FNBP1: variants seen among roughly 807,000 people sequenced by gnomAD.
FNBP1 encodes formin-binding protein 1.
A neutral mutation model predicts 90.6 loss-of-function variants in FNBP1; 26 were observed. The observed-to-expected ratio is 0.29, with a 90% CI of 0.21 to 0.40. The LOEUF (loss-of-function observed/expected upper bound fraction) is 0.40, where lower values mean the gene tolerates loss of function less well. Among genes scored for constraint, FNBP1 ranks in the 10% least tolerant of loss-of-function variants. The pLI, the probability that FNBP1 is intolerant of heterozygous loss-of-function variation, is 1.00. For missense variants in FNBP1, 635 were observed against 768.0 expected (o/e 0.83, Z 2.05); for synonymous variants, 260 against 265.2 (o/e 0.98, Z 0.19).
intron 6 of FNBP1, among the ~76,000 whole-genome samples, chr9:129,946,123 G>A (rs1233112688): frequency 1.3e-5 from 2 of 152,086 alleles, no homozygotes; most frequent in South Asian, 2.1e-4. Flanking sequence ...GAGCTGAGAC[G>A]GTGCCACTGC....
chr9:129,977,981 C>G (rs1338234991), intron 4 of FNBP1, among the ~76,000 whole-genome samples: 1 of 151,868 alleles, frequency 6.6e-6, no homozygotes, highest in Non-Finnish European at 1.5e-5. Flanking sequence ...ACGTAGAGAC[C>G]TAGAAACACT....
intron 1 of FNBP1, among the ~76,000 whole-genome samples, chr9:130,004,178 G>A (rs932512389): frequency 1.3e-5 from 2 of 151,420 alleles, no homozygotes; most frequent in African/African-American, 4.9e-5. Context: ...CAGGAGAATC[G>A]CTTGAACCTG....
At chr9:129,972,519 G>A (rs1301686079) in intron 4 of FNBP1, among the ~76,000 whole-genome samples, 3 of 149,932 alleles carry the variant, frequency 2.0e-5, no homozygotes, top group Non-Finnish European at 4.4e-5. Flanking sequence ...GCCTAAACAT[G>A]CTCCGTTTTC....
At chr9:130,003,272 CAT>C (rs1451010759) in intron 1 of FNBP1, among the ~76,000 whole-genome samples, 1 of 152,034 alleles carries the variant, frequency 6.6e-6, no homozygotes, top group Admixed American at 6.6e-5. Context: ...GCCTGGCCAA[CAT>C]AGTGAAACCC....
chr9:129,927,447 TG>T, intron 7 of FNBP1, 106 bp from the exon 8 acceptor site: 1 of 1,083,540 alleles, frequency 9.2e-7, no homozygotes, highest in African/African-American at 1.6e-5. Context: ...GAGGAAAAAA[TG>T]GGTTAGAGTT....
chr9:130,016,984 G>C (rs543555531), intron 1 of FNBP1, among the ~76,000 whole-genome samples: 17 of 152,262 alleles, frequency 1.1e-4, no homozygotes, highest in East Asian at 1.9e-4. Context: ...GGTGGCTCAT[G>C]TCTATAATGA....
chr9:129,949,264 T>C (rs976899241), intron 6 of FNBP1, among the ~76,000 whole-genome samples: 2 of 152,208 alleles, frequency 1.3e-5, no homozygotes, highest in African/African-American at 4.8e-5. Flanking sequence ...GCATGGTTCC[T>C]TGAGTTTTCC....
chr9:130,047,191 T>A (rs1564651126), upstream of FNBP1, among the ~76,000 whole-genome samples: 2 of 151,708 alleles, frequency 1.3e-5, no homozygotes, highest in African/African-American at 4.8e-5. Flanking sequence ...TAAAAAAAAA[T>A]AAAAATTAAA....
chr9:129,916,916 G>A (rs1397586014), intron 10 of FNBP1, among the ~76,000 whole-genome samples: 1 of 152,154 alleles, frequency 6.6e-6, no homozygotes, highest in Non-Finnish European at 1.5e-5. Context: ...CACCCGAGAA[G>A]TGTGTGCCAC....
At chr9:129,965,160 G>A (rs573883292) in intron 4 of FNBP1, among the ~76,000 whole-genome samples, 8 of 152,242 alleles carry the variant, frequency 5.3e-5, no homozygotes, top group African/African-American at 1.2e-4. Flanking sequence ...ACCATGTGGC[G>A]TAATGGCAAA....
At chr9:129,913,301 AG>A (rs1227934694) in intron 11 of FNBP1, among the ~76,000 whole-genome samples, 13 of 152,326 alleles carry the variant, frequency 8.5e-5, no homozygotes, top group African/African-American at 3.1e-4. Context: ...GTGTATAAAC[AG>A]GTGCAAAGAA....
At chr9:129,956,547 A>G (rs1197420134) in intron 6 of FNBP1, among the ~76,000 whole-genome samples, 1 of 152,246 alleles carries the variant, frequency 6.6e-6, no homozygotes, top group Non-Finnish European at 1.5e-5. Context: ...CTAGTTGGCA[A>G]TACAAGTCCA....
the FNBP1 span, among the ~76,000 whole-genome samples, chr9:130,049,087 C>G: frequency 3.3e-5 from 5 of 150,864 alleles, no homozygotes; most frequent in Non-Finnish European, 7.4e-5. Context: ...CCAGTTTCCT[C>G]TTCTTTAAAA....
At chr9:129,940,792 AAT>A (rs2044212739) in intron 6 of FNBP1, among the ~76,000 whole-genome samples, 1 of 151,788 alleles carries the variant, frequency 6.6e-6, no homozygotes. Flanking sequence ...ACACCCAGCT[AAT>A]TTTTGTATTT....
intron 6 of FNBP1, among the ~76,000 whole-genome samples, chr9:129,945,391 T>A (rs1490883375): frequency 6.6e-6 from 1 of 152,140 alleles, no homozygotes. Context: ...TAAAAAAAAA[T>A]GTTCTCTAAA....
intron 1 of FNBP1, among the ~76,000 whole-genome samples, chr9:130,035,862 C>T (rs529861393): frequency 8.5e-5 from 13 of 152,288 alleles, no homozygotes; most frequent in African/African-American, 2.9e-4. Flanking sequence ...AGGAGAATCG[C>T]TTGAACCCGG....
chr9:129,911,114 G>A lies in FNBP1; in HGVS notation c.1186-2115C>T, dbSNP rs560667535. ...CGACCTCAGGCGATCTGCCCACCTC[G>A]GCCTCCCAACGTCCTGGGATTACAG... On this transcript the variant is annotated intron_variant, in intron 11 of 16. Coordinates refer to ENST00000446176, the MANE Select transcript of FNBP1 (RefSeq NM_015033.3). 2.5e-3 allele frequency among the ~76,000 whole-genome samples: 382 copies of A among 152,212 alleles called. 1 individual carries two copies. Among genetic ancestry groups the A allele is most frequent in the Non-Finnish European group, 4.1e-3 (282 of 67,990 alleles).
chr9:130,035,819 G>A (rs1012256023), intron 1 of FNBP1, among the ~76,000 whole-genome samples: 3 of 152,068 alleles, frequency 2.0e-5, no homozygotes, highest in Admixed American at 6.6e-5. Context: ...GGTGGCACAC[G>A]CCTGTAATCC....
chr9:129,951,808 T>C (rs1427343185), intron 6 of FNBP1, among the ~76,000 whole-genome samples: 2 of 152,164 alleles, frequency 1.3e-5, no homozygotes, highest in African/African-American at 4.8e-5. Context: ...TGGTCTATCT[T>C]GCAGTTTTAC....
Sources: gnomAD v4.1 joint callset for allele counts (sites outside exome capture counted in the v4.1 genomes callset) on GRCh38, gnomAD v4.1.1 for gene constraint, MANE v1.5 for transcripts, NCBI Gene and HGNC (gene_info 2026-07-23, HGNC 2026-07-21) for gene names.